The following DGKD variants were observed in gnomAD, a reference collection of about 807,000 sequenced individuals.
DGKD encodes DAG kinase delta.
Under a neutral mutation model 154.4 loss-of-function variants are expected in DGKD, and 68 were observed. That is an observed-to-expected ratio of 0.44 (90% CI 0.36 to 0.54). The LOEUF is 0.54. DGKD is among the 20% of genes least tolerant of loss of function. The pLI, the probability that DGKD is intolerant of heterozygous loss-of-function variation, is 0.00. For synonymous variants in DGKD, 693 were observed against 638.0 expected, an observed-to-expected ratio of 1.09 and a Z score of -1.30; for missense variants, 1,343 against 1,593.6, an observed-to-expected ratio of 0.84 and a Z score of 2.68.
At chr2:233,397,326 A>T (rs12987339) in intron 3 of DGKD, among the ~76,000 whole-genome samples, 28 of 63,918 alleles carry the variant, frequency 4.4e-4, no homozygotes, top group East Asian at 1.0e-3. Context: ...GCGAGAGGAC[A>T]CCAGAGGGGA....
chr2:233,418,278 A>G (rs145305856), intron 3 of DGKD, among the ~76,000 whole-genome samples: 142 of 152,270 alleles, frequency 9.3e-4, no homozygotes, highest in Middle Eastern at 3.4e-3. Context: ...CTGGTTGACT[A>G]TGGCCAGCCC....
Position 233,457,268 on chromosome 2 carries a change from C to T in DGKD, c.2520C>T (p.Val840=). 1 of 1,528,918 alleles carries T rather than the reference C, an allele frequency of 6.5e-7. No homozygotes were observed. Among genetic ancestry groups the T allele is most frequent in the Non-Finnish European group, 8.8e-7 (1 of 1,138,740 alleles). 94.7% of individuals were successfully genotyped at this position (1,528,918 alleles called of 1,614,324 possible). A position where few individuals can be genotyped will look rare whatever the true frequency, so the allele number is the denominator to read the frequency against. Residue 840 remains valine, a synonymous_variant, in exon 21 of 30, where the codon GTC becomes GTT. Transcript: ENST00000264057. This position sits in a 1 kb window ranked among gnomAD's most constrained non-coding sequence, Gnocchi z 5.5. ...TCCCCAGTCTTCAGGGAATTGCTGT[C>T]CTTAACATTCCCAGCTATGCCGGAG... ...IPLPSLQGIA[V]LNIPSYAGGT... is the part of the protein sequence containing the mutation.
chr2:233,370,570 C>CTTTTTTTTTTTTTTTTTTT (rs56301429), intron 1 of DGKD, among the ~76,000 whole-genome samples: 1 of 123,344 alleles, frequency 8.1e-6, no homozygotes, highest in Non-Finnish European at 1.7e-5. Context: ...AGAACTTCTT[C>CTTTTTTTTTTTTTTTTTTT]TTTTTTTTTT....
chr2:233,458,295 T>C lies in DGKD; in HGVS notation c.2592T>C (p.Ala864=). The C allele has an allele frequency of 1.9e-6, 3 of 1,612,282 alleles. No homozygotes were observed. The highest frequency in any genetic ancestry group is 2.5e-6 in the Non-Finnish European group (3 of 1,179,188). ...CGTGTCCCTTGCAGACTTTCGCAGCTCCATCATTCGATGACAAGATTCTGG... is the reference window on the plus strand; with the variant it reads ...CGTGTCCCTTGCAGACTTTCGCAGCCCCATCATTCGATGACAAGATTCTGG... ...GGTKEDDTFA[A]PSFDDKILEV... The change falls in exon 22 of 30, where the codon GCT becomes GCC. Residue 864 remains alanine (A), a synonymous_variant. Coordinates refer to ENST00000264057, the MANE Select transcript of DGKD (RefSeq NM_152879.3). The surrounding 1 kb of genome is among the most constrained non-coding windows in gnomAD (Gnocchi z 6.6).
intron 26 of DGKD, 48 bp downstream of exon 26, chr2:233,462,783 G>A (rs765577103): frequency 2.6e-6 from 4 of 1,528,698 alleles, no homozygotes; most frequent in Middle Eastern, 1.7e-4. Flanking sequence ...TGTGTGAAAC[G>A]ACTGCTGTCG....
Position 233,354,801 on chromosome 2 carries a change from C to T in DGKD, c.156+127C>T, listed in dbSNP as rs1324453198. The T allele has an allele frequency of 2.3e-6, 1 of 442,292 alleles. No individual in the cohort carries two copies. The highest frequency in any genetic ancestry group is 2.2e-5 in the African/African-American group (1 of 46,022). The allele number at this position is 442,292 out of a possible 1,614,324, so 27.4% of individuals were successfully genotyped here. ...GCCCGGCCCGGGGTCCCGCGGGCGT[C>T]ACCGCCCCTGTCGAGCGTGCCCCGC... On this transcript the variant is annotated intron_variant, in intron 1 of 29. Transcript: ENST00000264057. This position sits in a 1 kb window ranked among gnomAD's most constrained non-coding sequence, Gnocchi z 4.8.
chr2:233,384,385 T>G (rs1476003251), intron 1 of DGKD, among the ~76,000 whole-genome samples: 1 of 152,156 alleles, frequency 6.6e-6, no homozygotes, highest in African/African-American at 2.4e-5. Flanking sequence ...GTCCCTGGGT[T>G]CCCATTTCCC....
chr2:233,385,971 C>T, intron 1 of DGKD: 1 of 470,964 alleles, frequency 2.1e-6, no homozygotes, highest in South Asian at 1.5e-5. Flanking sequence ...CTCTCATCCG[C>T]CCTCAGAAAG....
chr2:233,354,635 CA>C lies in DGKD; in HGVS notation c.118del (p.Ile40SerfsTer21). On this transcript the variant is annotated frameshift_variant, in exon 1 of 30. Coordinates refer to ENST00000264057, the MANE Select transcript of DGKD (RefSeq NM_152879.3). LOFTEE classifies it high-confidence loss of function. The surrounding 1 kb of genome is among the most constrained non-coding windows in gnomAD (Gnocchi z 4.8). ...CGGAGCCCGGCTCCCCACAGAAGCT[CA>C]TCCGCAAGGTGTCCACGTCGGGTCA... ...EAEPGSPQKL[I>X]RKVSTSGQIR... 1 of 1,120,180 alleles carries C rather than the reference CA, an allele frequency of 8.9e-7. No homozygotes were observed. The highest frequency in any genetic ancestry group is 1.1e-6 in the Non-Finnish European group (1 of 901,450). 69.4% of individuals were successfully genotyped at this position (1,120,180 alleles called of 1,614,324 possible). A position where few individuals can be genotyped will look rare whatever the true frequency, so the allele number is the denominator to read the frequency against.
At chr2:233,377,078 C>CTTTTT (rs755610624) in intron 1 of DGKD, among the ~76,000 whole-genome samples, 2 of 129,312 alleles carry the variant, frequency 1.5e-5, no homozygotes, top group African/African-American at 3.0e-5. Context: ...TAGCATGTTC[C>CTTTTT]TTTTTTTTTT....
chr2:233,455,061 C>T (rs60726105), intron 19 of DGKD, among the ~76,000 whole-genome samples, 188 bp downstream of exon 19: 3,558 of 152,250 alleles, frequency 0.023, 127 homozygotes, highest in African/African-American at 0.081. Flanking sequence ...AAGCACCTCT[C>T]GGGCTGGCCA....
chr2:233,390,437 C>T lies in DGKD; in HGVS notation c.302C>T (p.Ala101Val). ...IIFDEVDLTDASVAESSTKNV... is the reference protein window; with the variant it reads ...IIFDEVDLTDVSVAESSTKNV... ...TTTGATGAGGTGGATCTGACAGATG[C>T]CAGCGTAGCTGAATCCAGTACCAAA... Residue 101 changes from alanine to valine, a missense_variant, in exon 3 of 30, where the codon GCC (alanine) becomes GTC (valine). This residue lies in a region of DGKD where 332 missense variants were observed against 400.1 expected (regional missense o/e 0.83). Transcript: ENST00000264057. 1.2e-6 allele frequency: 2 copies of T among 1,614,012 alleles called. No individual in the cohort carries two copies. Among genetic ancestry groups the T allele is most frequent in the Non-Finnish European group, 1.7e-6 (2 of 1,179,952 alleles).
Position 233,452,126 on chromosome 2 carries a change from C to A in DGKD, c.2264+66C>A. Reference sequence around the variant, plus strand: ...GGCTGCTAGTGCATAGAAAACAGATCTCAGGATTAACTAGAGAAATTAGTG... The same window carrying A: ...GGCTGCTAGTGCATAGAAAACAGATATCAGGATTAACTAGAGAAATTAGTG... On this transcript the variant is annotated intron_variant, in intron 18 of 29. Coordinates refer to ENST00000264057, the MANE Select transcript of DGKD (RefSeq NM_152879.3). This position sits in a 1 kb window ranked among gnomAD's most constrained non-coding sequence, Gnocchi z 4.0. The A allele has an allele frequency of 3.5e-6, 5 of 1,437,200 alleles. No individual in the cohort carries two copies. Among genetic ancestry groups the A allele is most frequent in the South Asian group, 1.2e-5 (1 of 86,688 alleles). The allele number at this position is 1,437,200 out of a possible 1,614,324, so 89.0% of individuals were successfully genotyped here. A position where few individuals can be genotyped will look rare whatever the true frequency, so the allele number is the denominator to read the frequency against.
At position 233,459,388 on chromosome 2, in the gene DGKD, C is replaced by T. The variant is rs2063553282; in HGVS notation, c.2695-369C>T. ...ATGATGATGGATGGCTCATCGTCAT[C>T]CACTGTGCCATCTGCTCTTTTCTAG... On this transcript the variant is annotated intron_variant, in intron 22 of 29. Coordinates refer to ENST00000264057, the MANE Select transcript of DGKD (RefSeq NM_152879.3). This position sits in a 1 kb window ranked among gnomAD's most constrained non-coding sequence, Gnocchi z 5.7. 6.6e-6 allele frequency among the ~76,000 whole-genome samples: 1 copy of T among 152,176 alleles called. No homozygotes were observed. The highest frequency in any genetic ancestry group is 2.4e-5 in the African/African-American group (1 of 41,432).
At chr2:233,396,404 G>C (rs1361280835) in intron 3 of DGKD, among the ~76,000 whole-genome samples, 1 of 152,190 alleles carries the variant, frequency 6.6e-6, no homozygotes, top group Non-Finnish European at 1.5e-5. Flanking sequence ...GTTTTGGCAA[G>C]CATTTTTTTT....
At chr2:233,385,659 T>C (rs1259103067) in intron 1 of DGKD, among the ~76,000 whole-genome samples, 2 of 152,230 alleles carry the variant, frequency 1.3e-5, no homozygotes, top group Non-Finnish European at 2.9e-5. Context: ...CTAGCAGCAT[T>C]TCCTGTGGGT....
intron 10 of DGKD, chr2:233,442,377 A>G (rs1265250779): frequency 6.0e-6 from 2 of 334,444 alleles, no homozygotes; most frequent in Non-Finnish European, 1.2e-5. Flanking sequence ...AGTCAGAGTC[A>G]TGGTTCATTG....
rs2062396877 is a variant in DGKD, at chr2:233,428,623, G to GCC, written c.349-5757_349-5756insCC. ...GATGGGGCAGTGGAGGCACAGGGCG[G>GCC]AGAAGCACCTGCTCTAAGTTACACA... On this transcript the variant is annotated intron_variant, in intron 3 of 29. Transcript: ENST00000264057. 3.3e-5 allele frequency among the ~76,000 whole-genome samples: 5 copies of GCC among 152,224 alleles called. No individual in the cohort carries two copies. The South Asian group carries it at 8.3e-4, about 25-fold the overall frequency.
At chr2:233,444,602 G>C (rs1405494592) in intron 10 of DGKD, among the ~76,000 whole-genome samples, 1 of 148,600 alleles carries the variant, frequency 6.7e-6, no homozygotes, top group Non-Finnish European at 1.5e-5. Context: ...AAGCCCTCGC[G>C]GAGTCCTCAG....
Sources: gnomAD v4.1 joint callset for allele counts (sites outside exome capture counted in the v4.1 genomes callset) on GRCh38, gnomAD v4.1.1 for gene constraint, gnomAD v4.1.1 regional missense constraint, Gnocchi (gnomAD v3.1) non-coding constraint, MANE v1.5 for transcripts, NCBI Gene and HGNC (gene_info 2026-07-23, HGNC 2026-07-21) for gene names.